Variants in PIK3CA observed in about 807,000 individuals in gnomAD.
PIK3CA encodes the protein phosphatidylinositol 4,5-bisphosphate 3-kinase catalytic subunit alpha isoform.
A neutral mutation model predicts 138.2 loss-of-function variants in PIK3CA; 27 were observed. The ratio of observed to expected loss-of-function variants is 0.20; its 90% confidence interval spans 0.14 to 0.27. The LOEUF (loss-of-function observed/expected upper bound fraction) is 0.27. PIK3CA is among the 10% of genes least tolerant of loss of function. The pLI is 1.00. For missense variants in PIK3CA, 544 were observed against 1,277.4 expected (o/e 0.43, Z 8.75); for synonymous variants, 358 against 413.2 (o/e 0.87, Z 1.62).
chr3:179,220,127 A>G lies in PIK3CA; in HGVS notation c.2015+75A>G, dbSNP rs1724932391. ...TTTCTTAATAGATTTATAAATATGT[A>G]TTACTTATATACTTTTGTTTATGTT... is the stretch of plus-strand genomic sequence containing the variant. On this transcript the variant is annotated intron_variant, in intron 13 of 20. Coordinates refer to ENST00000263967, the MANE Select transcript of PIK3CA (RefSeq NM_006218.4). The surrounding 1 kb of genome is among the most constrained non-coding windows in gnomAD (Gnocchi z 4.1). The G allele has an allele frequency of 1.7e-5, 19 of 1,104,146 alleles. No homozygotes were observed. The highest frequency in any genetic ancestry group is 1.7e-4 in the South Asian group (10 of 58,132). 68.4% of individuals were successfully genotyped at this position (1,104,146 alleles called of 1,614,324 possible).
intron 6 of PIK3CA, among the ~76,000 whole-genome samples, chr3:179,208,364 A>G (rs753277269): frequency 6.6e-4 from 100 of 152,322 alleles, no homozygotes; most frequent in Non-Finnish European, 1.3e-3. Flanking sequence ...TTACTATCTA[A>G]CATATGAGCT....
rs1725311331 is a variant in PIK3CA, at chr3:179,235,262, A to G, written c.*898A>G. Reference sequence around the variant, plus strand: ...ATTTTTCATGCATGTTTTCCAGAAAATAGAAGTATTAATGTTATTAAAAAG... The same window carrying G: ...ATTTTTCATGCATGTTTTCCAGAAAGTAGAAGTATTAATGTTATTAAAAAG... On this transcript the variant is annotated 3_prime_UTR_variant, in exon 21 of 21. Coordinates refer to ENST00000263967, the MANE Select transcript of PIK3CA (RefSeq NM_006218.4). 5.5e-6 allele frequency: 1 copy of G among 181,214 alleles called. No homozygotes were observed. Among genetic ancestry groups the G allele is most frequent in the African/African-American group, 2.4e-5 (1 of 42,468 alleles). The allele number at this position is 181,214 out of a possible 1,614,324, so 11.2% of individuals were successfully genotyped here. A position where few individuals can be genotyped will look rare whatever the true frequency, so the allele number is the denominator to read the frequency against.
intron 1 of PIK3CA, among the ~76,000 whole-genome samples, chr3:179,181,167 T>C (rs1241305947): frequency 1.3e-5 from 2 of 152,278 alleles, no homozygotes; most frequent in Non-Finnish European, 2.9e-5. Flanking sequence ...AGCAGACAGA[T>C]GGACAGTTCT....
chr3:179,149,066 G>T (rs1722937986), intron 1 of PIK3CA, among the ~76,000 whole-genome samples: 1 of 152,152 alleles, frequency 6.6e-6, no homozygotes, highest in Non-Finnish European at 1.5e-5. Flanking sequence ...CGAGGACTCC[G>T]GCCCCGCCAG....
rs559797754 is a variant in PIK3CA at position 179,163,260 on chromosome 3, G to T, written c.-77+14657G>T. On this transcript the variant is annotated intron_variant, in intron 1 of 20. Coordinates refer to ENST00000263967, the MANE Select transcript of PIK3CA (RefSeq NM_006218.4). ...GTTAATTGGAAAAGAGTAAACTTAT[G>T]CCTAGTGTCATTTTAAAAAGACATT... Among the ~76,000 whole-genome samples the T allele has an allele frequency of 2.0e-5, 3 of 152,240 alleles. No individual in the cohort carries two copies. The East Asian group carries it at 5.8e-4, about 29-fold the overall frequency.
intron 6 of PIK3CA, among the ~76,000 whole-genome samples, chr3:179,204,797 G>GCAGTCAGCTAT (rs1724514740): frequency 6.6e-6 from 1 of 151,774 alleles, no homozygotes; most frequent in Non-Finnish European, 1.5e-5. Context: ...TGAGGCGGGT[G>GCAGTCAGCTAT]GATCACGAAG....
At position 179,230,064 on chromosome 3, in the gene PIK3CA, C is replaced by T. The variant is rs1432181034; in HGVS notation, c.2727C>T (p.Phe909=). 6.2e-7 allele frequency: 1 copy of T among 1,613,376 alleles called. No individual in the cohort carries two copies. The highest frequency in any genetic ancestry group is 1.3e-5 in the African/African-American group (1 of 74,864). ...GTGCTGGATACTGTGTAGCTACCTTCATTTTGGGAATTGGAGATCGTCACA... is the reference window on the plus strand; with the variant it reads ...GTGCTGGATACTGTGTAGCTACCTTTATTTTGGGAATTGGAGATCGTCACA... ...RSCAGYCVAT[F]ILGIGDRHNS... is the part of the protein sequence containing the mutation. Residue 909 remains phenylalanine, a synonymous_variant, in exon 19 of 21, where the codon TTC becomes TTT. Coordinates refer to ENST00000263967, the MANE Select transcript of PIK3CA (RefSeq NM_006218.4). This position sits in a 1 kb window ranked among gnomAD's most constrained non-coding sequence, Gnocchi z 5.4.
At chr3:179,226,648 G>C (rs1725090027) in intron 17 of PIK3CA, among the ~76,000 whole-genome samples, 1 of 152,120 alleles carries the variant, frequency 6.6e-6, no homozygotes, top group Admixed American at 6.6e-5. Context: ...AGTGGACATA[G>C]AGTCAAGTCT....
intron 1 of PIK3CA, among the ~76,000 whole-genome samples, chr3:179,187,879 C>T (rs1361998123): frequency 2.6e-5 from 4 of 152,038 alleles, no homozygotes; most frequent in African/African-American, 2.4e-5. Flanking sequence ...CCTTGTGATC[C>T]GCCCGCCTCG....
At chr3:179,186,353 CTATTT>C (rs1723982427) in intron 1 of PIK3CA, among the ~76,000 whole-genome samples, 1 of 152,172 alleles carries the variant, frequency 6.6e-6, no homozygotes, top group South Asian at 2.1e-4. Context: ...CAGGAAACAA[CTATTT>C]TATAAGTCAG....
intron 1 of PIK3CA, among the ~76,000 whole-genome samples, chr3:179,180,354 C>T (rs1399457643): frequency 6.6e-6 from 1 of 152,116 alleles, no homozygotes; most frequent in Non-Finnish European, 1.5e-5. Context: ...ATAATAAGGT[C>T]TTTTCAACCT....
chr3:179,166,963 T>C (rs757509214), intron 1 of PIK3CA, among the ~76,000 whole-genome samples: 2 of 152,140 alleles, frequency 1.3e-5, no homozygotes, highest in African/African-American at 2.4e-5. Flanking sequence ...TCTTGTAATA[T>C]CTTATACCCA....
At chr3:179,167,145 T>C (rs1723441223) in intron 1 of PIK3CA, among the ~76,000 whole-genome samples, 1 of 152,114 alleles carries the variant, frequency 6.6e-6, no homozygotes, top group East Asian at 1.9e-4. Context: ...AAAGCAATTA[T>C]CTACAATAAC....
chr3:179,233,170 A>AT (rs1725251662), intron 20 of PIK3CA: 2 of 395,164 alleles, frequency 5.1e-6, no homozygotes, highest in Non-Finnish European at 8.9e-6. Flanking sequence ...AAATCTAGGA[A>AT]TTTTTTGGAG....
At chr3:179,161,065 C>T (rs1723267080) in intron 1 of PIK3CA, among the ~76,000 whole-genome samples, 1 of 152,142 alleles carries the variant, frequency 6.6e-6, no homozygotes, top group African/African-American at 2.4e-5. Context: ...GTCTTCTTGG[C>T]TCAGTAGCAA....
chr3:179,217,886 G>T (rs577978976), intron 9 of PIK3CA, among the ~76,000 whole-genome samples: 4 of 152,090 alleles, frequency 2.6e-5, no homozygotes, highest in African/African-American at 7.2e-5. Flanking sequence ...TCCTCATCAG[G>T]AGGAAAAGTA....
rs1355068843 is a variant in PIK3CA, at chr3:179,219,909, G to C, written c.1912-40G>C. Reference sequence around the variant, plus strand: ...AAAAAATTTTCTTTAGATCGGCCATGCAGAAACTGACCCTGATTTGTTTTT... The same window carrying C: ...AAAAAATTTTCTTTAGATCGGCCATCCAGAAACTGACCCTGATTTGTTTTT... On this transcript the variant is annotated intron_variant, in intron 12 of 20. Transcript: ENST00000263967. This position sits in a 1 kb window ranked among gnomAD's most constrained non-coding sequence, Gnocchi z 4.2. 1 of 1,602,698 alleles carries C rather than the reference G, an allele frequency of 6.2e-7. No homozygotes were observed. Among genetic ancestry groups the C allele is most frequent in the Non-Finnish European group, 8.5e-7 (1 of 1,176,474 alleles).
chr3:179,186,915 C>T (rs1181805270), intron 1 of PIK3CA, among the ~76,000 whole-genome samples: 2 of 152,154 alleles, frequency 1.3e-5, no homozygotes, highest in African/African-American at 4.8e-5. Context: ...CTTCTATTTT[C>T]ACTGTCTTCA....
At chr3:179,231,722 A>G (rs1443268273) in intron 20 of PIK3CA, among the ~76,000 whole-genome samples, 1 of 120,020 alleles carries the variant, frequency 8.3e-6, no homozygotes, top group Admixed American at 1.0e-4. Flanking sequence ...GCTCACCGCA[A>G]CCTCCACCTC....
Sources: allele counts gnomAD v4.1 joint callset (sites outside exome capture counted in the v4.1 genomes callset), GRCh38; gene constraint gnomAD v4.1.1; non-coding constraint Gnocchi (gnomAD v3.1); transcripts MANE v1.5; gene names NCBI Gene and HGNC (gene_info 2026-07-23, HGNC 2026-07-21).